ATP2B1: variants seen among roughly 807,000 people sequenced by gnomAD.
ATP2B1 encodes ATPase plasma membrane Ca2+ transporting 1.
A neutral mutation model predicts 124.2 loss-of-function variants in ATP2B1; 14 were observed. The observed-to-expected ratio is 0.11, with a 90% CI of 0.07 to 0.18. The LOEUF (loss-of-function observed/expected upper bound fraction) is 0.18, where lower values mean the gene tolerates loss of function less well. ATP2B1 is among the 10% of genes least tolerant of loss of function. ATP2B1 has a pLI of 1.00. For synonymous variants in ATP2B1, 449 were observed against 492.4 expected (o/e 0.91, Z 1.17); for missense variants, 763 against 1,466.1 (o/e 0.52, Z 7.83).
At chr12:89,597,288 AG>A (rs1874805019) in intron 20 of ATP2B1, among the ~76,000 whole-genome samples, 1 of 152,174 alleles carries the variant, frequency 6.6e-6, no homozygotes, top group African/African-American at 2.4e-5. Flanking sequence ...CATTTTATTC[AG>A]GTAGGTAATT....
At chr12:89,606,489 CAA>C (rs1876897042) in intron 15 of ATP2B1, among the ~76,000 whole-genome samples, 1 of 151,156 alleles carries the variant, frequency 6.6e-6, no homozygotes, top group African/African-American at 2.4e-5. Context: ...AAACCTTTCT[CAA>C]AATACTCAAT....
At chr12:89,677,261 A>G (rs1230864936) in intron 1 of ATP2B1, among the ~76,000 whole-genome samples, 1 of 152,138 alleles carries the variant, frequency 6.6e-6, no homozygotes, top group East Asian at 1.9e-4. Flanking sequence ...ACTCCTAGGC[A>G]GAGCCCAGCT....
At chr12:89,687,387 G>T (rs1890083944) in intron 1 of ATP2B1, among the ~76,000 whole-genome samples, 1 of 152,112 alleles carries the variant, frequency 6.6e-6, no homozygotes, top group South Asian at 2.1e-4. Flanking sequence ...TACCATCTAG[G>T]TTTGTGTAGT....
chr12:89,687,938 G>A (rs1453705761), intron 1 of ATP2B1, among the ~76,000 whole-genome samples: 1 of 152,002 alleles, frequency 6.6e-6, no homozygotes, highest in African/African-American at 2.4e-5. Flanking sequence ...TTAGTTATAT[G>A]TAGAATGCTA....
chr12:89,642,342 G>C lies in ATP2B1; in HGVS notation c.222C>G (p.Asn74Lys). The C allele has an allele frequency of 1.2e-6, 2 of 1,612,136 alleles. No homozygotes were observed. The highest frequency in any genetic ancestry group is 1.7e-6 in the Non-Finnish European group (2 of 1,179,554). Reference protein sequence around the residue: ...KTSPNEGLSGNPADLERREAV... With the variant: ...KTSPNEGLSGKPADLERREAV... The stretch of plus-strand genomic sequence containing the variant: ...CTTCTCTTCTTTCTAAATCTGCAGG[G>C]TTTCCACTTAAACCTAATAAAAAGA... The change falls in exon 3 of 21, where the codon AAC (asparagine) becomes AAG (lysine). Residue 74 changes from asparagine (N) to lysine (K), a missense_variant. By Grantham distance (94) the Asn-to-Lys change is moderately conservative. Transcript: ENST00000428670.
At chr12:89,670,609 C>G (rs1197881099) in intron 1 of ATP2B1, among the ~76,000 whole-genome samples, 1 of 152,024 alleles carries the variant, frequency 6.6e-6, no homozygotes, top group Admixed American at 6.6e-5. Context: ...TCTAGTATAA[C>G]AGAAGAAATC....
chr12:89,679,976 T>C (rs1411079525), intron 1 of ATP2B1, among the ~76,000 whole-genome samples: 1 of 152,046 alleles, frequency 6.6e-6, no homozygotes, highest in African/African-American at 2.4e-5. Flanking sequence ...AAGGATCTTA[T>C]AGAAACCAAA....
intron 2 of ATP2B1, among the ~76,000 whole-genome samples, chr12:89,647,023 G>A (rs1884552805): frequency 6.6e-6 from 1 of 152,218 alleles, no homozygotes. Flanking sequence ...GGCTTCTACT[G>A]TAAGGAGGGA....
chr12:89,640,385 C>G (rs967438412), intron 3 of ATP2B1, among the ~76,000 whole-genome samples: 12 of 152,198 alleles, frequency 7.9e-5, no homozygotes, highest in African/African-American at 2.4e-4. Flanking sequence ...GGACACACAG[C>G]AAAATCTGGA....
At chr12:89,621,827 CA>C in intron 9 of ATP2B1, 36 bp from the exon 10 acceptor site, 1 of 1,474,324 alleles carries the variant, frequency 6.8e-7, no homozygotes, top group Middle Eastern at 1.8e-4. Context: ...AGTTAAGCTG[CA>C]TATAAAACCA....
At position 89,635,246 on chromosome 12, in the gene ATP2B1, C is replaced by T; in HGVS notation, c.412G>A (p.Gly138Arg). Reference protein sequence around the residue: ...QPPEGDNALCGEVSVGEEEGE... With the variant: ...QPPEGDNALCREVSVGEEEGE... ...TCTTCCTCCCCAACAGAAACTTCTCCACAAACTATTTGGAAAGAAAGAAAA... is the reference window on the plus strand; with the variant it reads ...TCTTCCTCCCCAACAGAAACTTCTCTACAAACTATTTGGAAAGAAAGAAAA... Residue 138 changes from glycine (G) to arginine (R), a missense_variant, in exon 4 of 21, where the codon GGA becomes AGA. By Grantham distance (125) the Gly-to-Arg change is moderately radical. Around this residue, in one of 7 missense-constraint regions of ATP2B1, gnomAD observed 392 missense variants for 776.6 expected, o/e 0.50. Transcript: ENST00000428670. The T allele has an allele frequency of 6.2e-7, 1 of 1,610,524 alleles. No individual in the cohort carries two copies. Among genetic ancestry groups the T allele is most frequent in the Non-Finnish European group, 8.5e-7 (1 of 1,178,886 alleles).
At chr12:89,642,928 C>T (rs1052218395) in intron 2 of ATP2B1, among the ~76,000 whole-genome samples, 4 of 151,922 alleles carry the variant, frequency 2.6e-5, no homozygotes, top group African/African-American at 4.8e-5. Context: ...TCTGATCGTA[C>T]TATCCTATAC....
At chr12:89,647,970 C>A (rs980310883) in intron 2 of ATP2B1, among the ~76,000 whole-genome samples, 1 of 152,170 alleles carries the variant, frequency 6.6e-6, no homozygotes. Flanking sequence ...TGAGACATCC[C>A]TAGAAGCCAG....
At chr12:89,666,685 A>C (rs1887352820) in intron 1 of ATP2B1, among the ~76,000 whole-genome samples, 1 of 152,194 alleles carries the variant, frequency 6.6e-6, no homozygotes, top group Non-Finnish European at 1.5e-5. Flanking sequence ...ATGTTGGTAA[A>C]AGTTTAAAAA....
chr12:89,700,386 T>C (rs1053250506), intron 1 of ATP2B1, among the ~76,000 whole-genome samples: 1 of 152,280 alleles, frequency 6.6e-6, no homozygotes, highest in East Asian at 1.9e-4. Flanking sequence ...ATGGTATTAG[T>C]TGTCAGGAGT....
chr12:89,699,308 G>C (rs1460501798), intron 1 of ATP2B1, among the ~76,000 whole-genome samples: 1 of 152,210 alleles, frequency 6.6e-6, no homozygotes, highest in Non-Finnish European at 1.5e-5. Flanking sequence ...AAGAGGCAGA[G>C]TTAAATGCTA....
intron 10 of ATP2B1, among the ~76,000 whole-genome samples, chr12:89,620,670 A>C (rs1592761950): frequency 6.6e-6 from 1 of 152,310 alleles, no homozygotes; most frequent in East Asian, 1.9e-4. Context: ...TATGGCTTAA[A>C]AGTACATTCA....
At chr12:89,699,591 T>C (rs1891576410) in intron 1 of ATP2B1, among the ~76,000 whole-genome samples, 1 of 152,178 alleles carries the variant, frequency 6.6e-6, no homozygotes, top group African/African-American at 2.4e-5. Context: ...TTTGTACTTT[T>C]TGAGGAGTTA....
chr12:89,707,080 G>C (rs1220604576), intron 1 of ATP2B1, among the ~76,000 whole-genome samples: 1 of 152,100 alleles, frequency 6.6e-6, no homozygotes, highest in Non-Finnish European at 1.5e-5. Flanking sequence ...AAGAAAAAGA[G>C]AGGGGAGGAG....
Sources: gnomAD v4.1 joint callset for allele counts (sites outside exome capture counted in the v4.1 genomes callset) on GRCh38, gnomAD v4.1.1 for gene constraint, gnomAD v4.1.1 regional missense constraint, MANE v1.5 for transcripts, NCBI Gene and HGNC (gene_info 2026-07-23, HGNC 2026-07-21) for gene names.